RAB11FIP4: variants seen among roughly 807,000 people sequenced by gnomAD.
The protein encoded by RAB11FIP4 is RAB11 family interacting protein 4.
Under a neutral mutation model 74.3 loss-of-function variants are expected in RAB11FIP4, and 23 were observed. The observed-to-expected ratio is 0.31, with a 90% CI of 0.22 to 0.44. RAB11FIP4 has a LOEUF of 0.44. Ranked by LOEUF, RAB11FIP4 falls within the 20% of genes least tolerant of loss-of-function variation. The pLI, the probability that RAB11FIP4 is intolerant of heterozygous loss-of-function variation, is 1.00. For missense variants in RAB11FIP4, 630 were observed against 863.9 expected (o/e 0.73, Z 3.39); for synonymous variants, 360 against 359.9 (o/e 1.00, Z 0.00).
chr17:31,524,306 G>T, intron 9 of RAB11FIP4: 1 of 336,678 alleles, frequency 3.0e-6, no homozygotes, highest in Non-Finnish European at 5.6e-6. Flanking sequence ...ACAGTGACAG[G>T]AGCCTGACGT....
At chr17:31,403,433 C>T (rs2071013691) in intron 1 of RAB11FIP4, among the ~76,000 whole-genome samples, 1 of 152,024 alleles carries the variant, frequency 6.6e-6, no homozygotes, top group Non-Finnish European at 1.5e-5. Flanking sequence ...AGCAATTCTC[C>T]TGCCTCAGCC....
chr17:31,403,546 T>A (rs1257655510), intron 1 of RAB11FIP4, among the ~76,000 whole-genome samples: 1 of 152,010 alleles, frequency 6.6e-6, no homozygotes, highest in Non-Finnish European at 1.5e-5. Flanking sequence ...ATGATCTCGA[T>A]CTCCTGACCT....
At chr17:31,505,994 A>G (rs2072342132) in intron 3 of RAB11FIP4, among the ~76,000 whole-genome samples, 2 of 151,060 alleles carry the variant, frequency 1.3e-5, no homozygotes, top group South Asian at 4.2e-4. Context: ...AGCCACGTTC[A>G]GCATGTTCCA....
At chr17:31,521,390 G>A in intron 5 of RAB11FIP4, 30 bp downstream of exon 5, 2 of 1,561,216 alleles carry the variant, frequency 1.3e-6, no homozygotes, top group Non-Finnish European at 1.7e-6. Context: ...TGTCATTTGG[G>A]GTCAAAAGTT....
At chr17:31,502,948 T>G (rs1426919070) in intron 3 of RAB11FIP4, among the ~76,000 whole-genome samples, 1 of 152,206 alleles carries the variant, frequency 6.6e-6, no homozygotes, top group African/African-American at 2.4e-5. Flanking sequence ...TAATCTCCTC[T>G]TATAAGGACA....
At chr17:31,427,839 A>C (rs2071268288) in intron 1 of RAB11FIP4, among the ~76,000 whole-genome samples, 1 of 152,204 alleles carries the variant, frequency 6.6e-6, no homozygotes, top group African/African-American at 2.4e-5. Flanking sequence ...GCAGCCCTGC[A>C]GGTGGCACCT....
chr17:31,432,123 G>GC (rs2071316188), intron 2 of RAB11FIP4, among the ~76,000 whole-genome samples: 1 of 152,168 alleles, frequency 6.6e-6, no homozygotes, highest in African/African-American at 2.4e-5. Context: ...AGTCACTTCT[G>GC]CCCTTCCCCT....
At position 31,517,894 on chromosome 17, in the gene RAB11FIP4, TG is replaced by T. The variant is rs1305715784; in HGVS notation, c.563+18del. The T allele has an allele frequency of 6.5e-7, 1 of 1,538,818 alleles. No homozygotes were observed. The highest frequency in any genetic ancestry group is 1.2e-5 in the South Asian group (1 of 83,722). On this transcript the variant is annotated intron_variant, in intron 4 of 14. Transcript: ENST00000621161. ...AGAAGACAAGTGAGTTAAAACCACC[TG>T]AAGCTCCATATTTGCCCTCTCAGCC...
At chr17:31,476,436 C>T (rs564836339) in intron 3 of RAB11FIP4, among the ~76,000 whole-genome samples, 8 of 152,246 alleles carry the variant, frequency 5.3e-5, no homozygotes, top group East Asian at 3.9e-4. Context: ...CCACCCACCT[C>T]GGGCTCCCAA....
chr17:31,427,632 C>T (rs1474732194), intron 1 of RAB11FIP4, among the ~76,000 whole-genome samples: 3 of 152,220 alleles, frequency 2.0e-5, no homozygotes, highest in Non-Finnish European at 2.9e-5. Flanking sequence ...GTGGCCGACT[C>T]CACCCTTGAC....
At chr17:31,409,168 A>G (rs182525239) in intron 1 of RAB11FIP4, among the ~76,000 whole-genome samples, 1 of 152,252 alleles carries the variant, frequency 6.6e-6, no homozygotes, top group Non-Finnish European at 1.5e-5. Flanking sequence ...GGACCCCATC[A>G]TCCTTTCCTT....
intron 1 of RAB11FIP4, among the ~76,000 whole-genome samples, chr17:31,400,818 C>T (rs374025382): frequency 1.5e-4 from 23 of 152,278 alleles, no homozygotes; most frequent in Middle Eastern, 6.8e-3. Context: ...GAGCCAGTGG[C>T]GATGGACAGG....
rs186248344 is a variant in RAB11FIP4, at chr17:31,521,304, C to T, written c.702C>T (p.Pro234=). 3.2e-5 allele frequency: 51 copies of T among 1,613,904 alleles called. No homozygotes were observed. The highest frequency in any genetic ancestry group is 1.7e-4 in the Admixed American group (10 of 60,002). Residue 234 remains proline (P), a synonymous_variant, in exon 5 of 15, where the codon CCC becomes CCT. Transcript: ENST00000621161. ...DVDCAPSSPC[P]DDETRTNVYS... is the part of the protein sequence containing the mutation. ...ACTGTGCCCCCAGCAGCCCTTGCCC[C>T]GATGATGAGACCAGGACCAACGTCT...
chr17:31,394,408 A>C (rs2070907607), intron 1 of RAB11FIP4, among the ~76,000 whole-genome samples: 1 of 152,110 alleles, frequency 6.6e-6, no homozygotes, highest in Admixed American at 6.5e-5. Flanking sequence ...TTTGACCCCA[A>C]AATGTCCATT....
chr17:31,399,273 T>A (rs909541251), intron 1 of RAB11FIP4, among the ~76,000 whole-genome samples: 6 of 152,226 alleles, frequency 3.9e-5, no homozygotes, highest in African/African-American at 1.4e-4. Flanking sequence ...AAATGCCCGC[T>A]GGCCTGGAAA....
Position 31,453,281 on chromosome 17 carries a change from G to A in RAB11FIP4, c.336+19159G>A, listed in dbSNP as rs140259286. Among the ~76,000 whole-genome samples the A allele has an allele frequency of 8.6e-3, 1,290 of 149,314 alleles. 21 individuals carry two copies. Among genetic ancestry groups the A allele is most frequent in the Admixed American group, 0.041 (608 of 14,712 alleles). On this transcript the variant is annotated intron_variant, in intron 3 of 14. Coordinates refer to ENST00000621161, the MANE Select transcript of RAB11FIP4 (RefSeq NM_032932.6). ...TGGGAGGATCACTTGAGCCTAGGAG[G>A]TTGAGGCTGCAGTGAGCTATTATAT... is the stretch of plus-strand genomic sequence containing the variant.
At chr17:31,400,716 C>G (rs73277766) in intron 1 of RAB11FIP4, among the ~76,000 whole-genome samples, 12,011 of 152,214 alleles carry the variant, frequency 0.079, 1,144 homozygotes, top group African/African-American at 0.23. Context: ...TGGAGACAAG[C>G]TGCCGTTGCT....
At chr17:31,397,874 C>CTT (rs1267977554) in intron 1 of RAB11FIP4, among the ~76,000 whole-genome samples, 10 of 142,124 alleles carry the variant, frequency 7.0e-5, no homozygotes, top group African/African-American at 2.3e-4. Flanking sequence ...ACGCCCCTGC[C>CTT]TTTTTTTTTT....
chr17:31,421,009 G>A (rs1341462165), intron 1 of RAB11FIP4, among the ~76,000 whole-genome samples: 5 of 152,004 alleles, frequency 3.3e-5, no homozygotes, highest in Non-Finnish European at 7.4e-5. Flanking sequence ...GCTTGAACCC[G>A]GGAGGCAGAG....
Sources: gnomAD v4.1 joint callset for allele counts (sites outside exome capture counted in the v4.1 genomes callset) on GRCh38, gnomAD v4.1.1 for gene constraint, MANE v1.5 for transcripts, NCBI Gene and HGNC (gene_info 2026-07-23, HGNC 2026-07-21) for gene names.